Variants in APOL3 observed in about 807,000 individuals in gnomAD.
The protein encoded by APOL3 is TNF-inducible protein CG12-1.
Under a neutral mutation model 11.6 loss-of-function variants are expected in APOL3, and 14 were observed. The ratio of observed to expected loss-of-function variants is 1.21; its 90% CI spans 0.80 to 1.89. The LOEUF (loss-of-function observed/expected upper bound fraction) is 1.89, where lower values mean the gene tolerates loss of function less well. Among genes scored for constraint, APOL3 ranks in the 40% most tolerant of loss-of-function variants. The pLI is 0.00. For missense variants in APOL3, 483 were observed against 492.1 expected, an observed-to-expected ratio of 0.98 and a Z score of 0.17; for synonymous variants, 192 against 190.6, an observed-to-expected ratio of 1.01 and a Z score of -0.06.
rs1481510821 is a variant in APOL3 at position 36,141,217 on chromosome 22, G to A, written c.1192C>T (p.Pro398Ser). The A allele has an allele frequency of 2.5e-6, 4 of 1,613,612 alleles. No homozygotes were observed. In the South Asian group the frequency reaches 4.4e-5, roughly 18 times the overall value. Residue 398 changes from proline (P) to serine (S), a missense_variant, in exon 3 of 3, where the codon CCA (proline) becomes TCA (serine). By Grantham distance (74) the Pro-to-Ser change is moderately conservative (BLOSUM62 -1). Transcript: ENST00000349314. ...GTCTGGGGTCAGTGGGTATGGCATG[G>A]ATTCAGACGCTGATAGATCTGAGTG... is the stretch of plus-strand genomic sequence containing the variant.
chr22:36,141,417 C>G (rs752795160), exon 3 of APOL3: 1 of 1,614,170 alleles, frequency 6.2e-7, no homozygotes, highest in East Asian at 2.2e-5. Context: ...GCTCACTGCC[C>G]GGGTGGTGCC....
upstream of APOL3, chr22:36,161,371 A>C (rs1455333461): frequency 5.3e-6 from 1 of 188,058 alleles, no homozygotes; most frequent in Admixed American, 5.4e-5. Flanking sequence ...AATGATTTTG[A>C]AGGGGTGAAA....
At chr22:36,157,543 G>A (rs1264566344) in intron 1 of APOL3, among the ~76,000 whole-genome samples, 1 of 152,150 alleles carries the variant, frequency 6.6e-6, no homozygotes, top group Non-Finnish European at 1.5e-5. Flanking sequence ...GAGTTGGGAA[G>A]ACCTTTCGAA....
At chr22:36,148,526 T>G (rs1370740420) in intron 1 of APOL3, among the ~76,000 whole-genome samples, 1 of 152,144 alleles carries the variant, frequency 6.6e-6, no homozygotes, top group African/African-American at 2.4e-5. Context: ...AAGGCCAGAA[T>G]GGGGCTCAGT....
intron 1 of APOL3, 133 bp from the exon 3 acceptor site, chr22:36,145,732 G>T: frequency 3.7e-6 from 4 of 1,072,648 alleles, no homozygotes; most frequent in Admixed American, 2.5e-5. Flanking sequence ...AGGCATCAGT[G>T]CTATAGACTG....
At chr22:36,146,493 T>C (rs1204659385) in intron 1 of APOL3, 1 of 152,124 alleles carries the variant, frequency 6.6e-6, no homozygotes, top group Non-Finnish European at 1.5e-5. Context: ...ATTGAAAATA[T>C]CAGAGTGTAT....
intron 1 of APOL3, 150 bp downstream of exon 2, chr22:36,148,896 C>G: frequency 1.4e-6 from 1 of 720,172 alleles, no homozygotes; most frequent in Non-Finnish European, 2.2e-6. Flanking sequence ...GGTCGGGGGA[C>G]TCCATGTGGC....
chr22:36,141,037 C>T, exon 3 of APOL3: 1 of 1,037,474 alleles, frequency 9.6e-7, no homozygotes, highest in Non-Finnish European at 1.4e-6. Flanking sequence ...TTGCCATCTG[C>T]ATTAACCCCT....
chr22:36,161,028 A>G, upstream of APOL3: 1 of 728,620 alleles, frequency 1.4e-6, no homozygotes, highest in Admixed American at 2.4e-5. Flanking sequence ...AAGACCTACC[A>G]CTGAAAGACT....
upstream of APOL3, among the ~76,000 whole-genome samples, chr22:36,163,939 T>C (rs2013796293): frequency 6.6e-6 from 1 of 152,254 alleles, no homozygotes; most frequent in Admixed American, 6.5e-5. Flanking sequence ...AGTGCCTTTT[T>C]TTAAATATTA....
exon 3 of APOL3, chr22:36,140,941 A>C: frequency 2.1e-6 from 1 of 471,466 alleles, no homozygotes; most frequent in Non-Finnish European, 3.7e-6. Flanking sequence ...TCTAAAGGAA[A>C]TTTCTTCTTC....
chr22:36,143,772 C>G (rs964531471), intron 2 of APOL3, among the ~76,000 whole-genome samples: 1 of 152,204 alleles, frequency 6.6e-6, no homozygotes, highest in Non-Finnish European at 1.5e-5. Context: ...CAAACTAATG[C>G]CTTAGCAGGT....
At chr22:36,165,137 G>A (rs1019426437), upstream of APOL3, 12 of 152,052 alleles carry the variant, frequency 7.9e-5, no homozygotes, top group African/African-American at 2.9e-4. Flanking sequence ...AAAACTGAAA[G>A]AGGAGTTTTA....
At chr22:36,150,358 T>C (rs996037252) in intron 1 of APOL3, among the ~76,000 whole-genome samples, 18 of 152,186 alleles carry the variant, frequency 1.2e-4, no homozygotes, top group Non-Finnish European at 2.5e-4. Context: ...TTTGCACCAC[T>C]AATTGCTCTA....
intron 1 of APOL3, among the ~76,000 whole-genome samples, chr22:36,148,809 G>A (rs1229717539): frequency 2.0e-5 from 3 of 152,214 alleles, no homozygotes; most frequent in South Asian, 2.1e-4. Flanking sequence ...CTAGGTGCCA[G>A]GGCAGGGAGG....
At chr22:36,153,289 A>T in intron 1 of APOL3, 1 of 425,452 alleles carries the variant, frequency 2.4e-6, no homozygotes, top group Middle Eastern at 3.4e-4. Context: ...GCTAACCTCA[A>T]TAATGGTTTG....
intron 1 of APOL3, among the ~76,000 whole-genome samples, chr22:36,148,525 A>G (rs1439687276): frequency 6.6e-6 from 1 of 152,210 alleles, no homozygotes; most frequent in African/African-American, 2.4e-5. Flanking sequence ...AAAGGCCAGA[A>G]TGGGGCTCAG....
At chr22:36,141,470 T>G (rs1456442095) in exon 3 of APOL3, 1 of 1,614,198 alleles carries the variant, frequency 6.2e-7, no homozygotes, top group East Asian at 2.2e-5. Context: ...CAGCTGAGAT[T>G]CGCCAGGTGG....
At chr22:36,140,752 C>G (rs1409001942) in exon 3 of APOL3, 1 of 161,162 alleles carries the variant, frequency 6.2e-6, no homozygotes, top group Non-Finnish European at 1.4e-5. Context: ...GGAAAGACTT[C>G]ATTCTTGGAA....
Sources: allele counts gnomAD v4.1 joint callset (sites outside exome capture counted in the v4.1 genomes callset), GRCh38; gene constraint gnomAD v4.1.1; transcripts MANE v1.5; gene names NCBI Gene and HGNC (gene_info 2026-07-23, HGNC 2026-07-21).